The following CFAP95 variants were observed in gnomAD, a reference collection of about 807,000 sequenced individuals.
The protein encoded by CFAP95 is cilia- and flagella-associated protein 95.
the CFAP95 span, among the ~76,000 whole-genome samples, chr9:69,828,116 A>G: frequency 4.7e-3 from 717 of 152,334 alleles, 7 homozygotes; most frequent in African/African-American, 0.017. Context: ...TTTGATTCTC[A>G]ACAATGCCTG....
At chr9:69,835,518 G>T in the CFAP95 span, among the ~76,000 whole-genome samples, 27,529 of 152,178 alleles carry the variant, frequency 0.18, 2,825 homozygotes, top group Admixed American at 0.25. Context: ...CCCTCTTTAC[G>T]TGTGCTTTTG....
At chr9:69,868,406 C>A in the CFAP95 span, among the ~76,000 whole-genome samples, 1 of 152,016 alleles carries the variant, frequency 6.6e-6, no homozygotes, top group Non-Finnish European at 1.5e-5. Flanking sequence ...TGTCATGGCC[C>A]CAGCACTTTG....
the CFAP95 span, among the ~76,000 whole-genome samples, chr9:69,846,592 A>G: frequency 6.6e-6 from 1 of 152,204 alleles, no homozygotes; most frequent in South Asian, 2.1e-4. Context: ...CAAGAAATAT[A>G]TTATTATTTA....
At chr9:69,877,540 T>A in the CFAP95 span, among the ~76,000 whole-genome samples, 29 of 152,374 alleles carry the variant, frequency 1.9e-4, no homozygotes, top group African/African-American at 7.0e-4. Context: ...GAAACAGATA[T>A]TTTGTTGCAA....
chr9:69,877,430 A>C, the CFAP95 span, among the ~76,000 whole-genome samples: 1 of 152,186 alleles, frequency 6.6e-6, no homozygotes. Context: ...CATTATATCC[A>C]CCATTCCACA....
chr9:69,841,304 C>T, the CFAP95 span, among the ~76,000 whole-genome samples: 1 of 151,052 alleles, frequency 6.6e-6, no homozygotes, highest in Non-Finnish European at 1.5e-5. Context: ...GCTGAAATAT[C>T]ACTGGTATGT....
chr9:69,832,996 C>A, the CFAP95 span, among the ~76,000 whole-genome samples: 1 of 151,962 alleles, frequency 6.6e-6, no homozygotes, highest in Non-Finnish European at 1.5e-5. Flanking sequence ...ATGGTTATAT[C>A]CTATTTTTAA....
At chr9:69,870,582 G>A in the CFAP95 span, among the ~76,000 whole-genome samples, 16 of 152,288 alleles carry the variant, frequency 1.1e-4, no homozygotes, top group Admixed American at 3.3e-4. Flanking sequence ...AGAAAGAAGC[G>A]AAAAAGTAAA....
At chr9:69,865,235 C>T in the CFAP95 span, among the ~76,000 whole-genome samples, 6 of 152,204 alleles carry the variant, frequency 3.9e-5, no homozygotes, top group South Asian at 2.1e-4. Context: ...CCAGCCATGC[C>T]GAACTGTGAG....
the CFAP95 span, among the ~76,000 whole-genome samples, chr9:69,901,933 T>C: frequency 6.6e-6 from 1 of 152,224 alleles, no homozygotes; most frequent in Non-Finnish European, 1.5e-5. Context: ...ATTTCTCTGA[T>C]GGCCAATGAT....
chr9:69,856,266 G>C, the CFAP95 span, among the ~76,000 whole-genome samples: 6 of 152,060 alleles, frequency 3.9e-5, no homozygotes, highest in African/African-American at 1.4e-4. Context: ...CCCTGAAAAG[G>C]ATAAAGAAGG....
chr9:69,838,226 G>A, the CFAP95 span, among the ~76,000 whole-genome samples: 11 of 152,178 alleles, frequency 7.2e-5, no homozygotes, highest in African/African-American at 2.4e-4. Context: ...CTCTTTTTTG[G>A]TTCCATATGA....
At chr9:69,820,848 A>G in the CFAP95 span, 1 of 1,601,822 alleles carries the variant, frequency 6.2e-7, no homozygotes, top group Non-Finnish European at 8.5e-7. Flanking sequence ...TGCATAGGGA[A>G]CTCCTCAGAG....
the CFAP95 span, among the ~76,000 whole-genome samples, chr9:69,831,943 A>T: frequency 6.6e-6 from 1 of 152,322 alleles, no homozygotes; most frequent in South Asian, 2.1e-4. Context: ...ATGAAGCCTA[A>T]TTTACATATC....
chr9:69,824,227 A>G, the CFAP95 span, among the ~76,000 whole-genome samples: 4 of 152,224 alleles, frequency 2.6e-5, no homozygotes, highest in African/African-American at 9.6e-5. Flanking sequence ...GACAAAAAAG[A>G]ACAGGCAAGT....
chr9:69,900,650 G>A, the CFAP95 span, among the ~76,000 whole-genome samples: 3 of 152,300 alleles, frequency 2.0e-5, no homozygotes, highest in South Asian at 2.1e-4. Context: ...TGCAGCCCCA[G>A]CTCCAATGGT....
At chr9:69,869,199 C>T in the CFAP95 span, among the ~76,000 whole-genome samples, 1 of 152,206 alleles carries the variant, frequency 6.6e-6, no homozygotes, top group Non-Finnish European at 1.5e-5. Context: ...GTACCCTCAT[C>T]TTCATTGCAG....
chr9:69,827,337 A>G, the CFAP95 span, among the ~76,000 whole-genome samples: 3 of 152,234 alleles, frequency 2.0e-5, no homozygotes, highest in African/African-American at 7.2e-5. Context: ...AGAAATATGC[A>G]CACAACTCAG....
At chr9:69,872,966 C>T in the CFAP95 span, among the ~76,000 whole-genome samples, 1 of 152,082 alleles carries the variant, frequency 6.6e-6, no homozygotes, top group Non-Finnish European at 1.5e-5. Flanking sequence ...TGGGAGGCTA[C>T]AATACAGGTA....
Sources: gnomAD v4.1 joint callset for allele counts (sites outside exome capture counted in the v4.1 genomes callset) on GRCh38, gnomAD v4.1.1 for gene constraint, MANE v1.5 for transcripts, NCBI Gene and HGNC (gene_info 2026-07-23, HGNC 2026-07-21) for gene names.